The following TRAF3 variants were observed in gnomAD, a reference collection of about 807,000 sequenced individuals.
The protein encoded by TRAF3 is TNF receptor associated factor 3.
Under a neutral mutation model 62.3 loss-of-function variants are expected in TRAF3, and 13 were observed. The observed-to-expected ratio is 0.21, with a 90% CI of 0.14 to 0.33. The LOEUF is 0.33. Among genes scored for constraint, TRAF3 ranks in the 10% least tolerant of loss-of-function variants. The pLI, the probability that TRAF3 is intolerant of heterozygous loss-of-function variation, is 1.00. For synonymous variants in TRAF3, 269 were observed against 283.4 expected, an observed-to-expected ratio of 0.95 and a Z score of 0.51; for missense variants, 440 against 741.8, an observed-to-expected ratio of 0.59 and a Z score of 4.73.
intron 2 of TRAF3, among the ~76,000 whole-genome samples, chr14:102,831,796 G>A (rs1315036036): frequency 6.6e-6 from 1 of 152,190 alleles, no homozygotes; most frequent in Non-Finnish European, 1.5e-5. Flanking sequence ...GTGCTGGGCA[G>A]TTTTATCATT....
At chr14:102,886,859 CGAG>C (rs1188862946) in intron 7 of TRAF3, among the ~76,000 whole-genome samples, 4 of 152,260 alleles carry the variant, frequency 2.6e-5, no homozygotes, top group Admixed American at 6.5e-5. Flanking sequence ...GCAAAGGTGA[CGAG>C]GGGTTTTTAA....
rs1015249259 is a variant in TRAF3 at position 102,906,685 on chromosome 14, C to G, written c.*901C>G. On this transcript the variant is annotated 3_prime_UTR_variant, in exon 12 of 12. Transcript: ENST00000392745. Reference sequence around the variant, plus strand: ...AGGGCATCCGTTGAACTTTGGAGTTCTAAACAAAATCCTGTAGGTGTTTGG... The same window carrying G: ...AGGGCATCCGTTGAACTTTGGAGTTGTAAACAAAATCCTGTAGGTGTTTGG... The G allele has an allele frequency of 1.3e-5, 2 of 152,216 alleles. No individual in the cohort carries two copies. Among genetic ancestry groups the G allele is most frequent in the Non-Finnish European group, 2.9e-5 (2 of 68,044 alleles). The allele number at this position is 152,216 out of a possible 1,614,324, so 9.4% of individuals were successfully genotyped here. A position where few individuals can be genotyped will look rare whatever the true frequency, so the allele number is the denominator to read the frequency against.
At position 102,870,434 on chromosome 14, in the gene TRAF3, C is replaced by A. The variant is rs775556588; in HGVS notation, c.233C>A (p.Ala78Glu). The change falls in exon 3 of 12, where the codon GCG becomes GAG. Residue 78 changes from alanine (A) to glutamate (E), a missense_variant. By Grantham distance (107) the Ala-to-Glu change is moderately radical. Coordinates refer to ENST00000392745, the MANE Select transcript of TRAF3 (RefSeq NM_145725.3). ...CGHRFCESCM[A>E]ALLSSSSPKC... is the part of the protein sequence containing the mutation. Reference sequence around the variant, plus strand: ...CACCGCTTCTGCGAGAGCTGCATGGCGGCCCTGCTGAGGTAGGCGCCCTCG... The same window carrying A: ...CACCGCTTCTGCGAGAGCTGCATGGAGGCCCTGCTGAGGTAGGCGCCCTCG... 5 of 1,613,674 alleles carry A rather than the reference C, an allele frequency of 3.1e-6. No individual in the cohort carries two copies. The South Asian group carries it at 4.4e-5, about 14-fold the overall frequency.
At chr14:102,866,657 A>G (rs889885618) in intron 2 of TRAF3, among the ~76,000 whole-genome samples, 26 of 152,012 alleles carry the variant, frequency 1.7e-4, no homozygotes, top group African/African-American at 5.1e-4. Flanking sequence ...CAGACTGGGG[A>G]ACATAGCGAG....
chr14:102,799,432 T>C (rs886453235), intron 1 of TRAF3, among the ~76,000 whole-genome samples: 2 of 152,138 alleles, frequency 1.3e-5, no homozygotes, highest in African/African-American at 4.8e-5. Context: ...TTAGCACTTC[T>C]TTACTTGTTT....
chr14:102,801,873 G>A (rs995702587), intron 1 of TRAF3, among the ~76,000 whole-genome samples: 4 of 151,176 alleles, frequency 2.6e-5, no homozygotes, highest in African/African-American at 9.7e-5. Flanking sequence ...AAAATTAGCC[G>A]GGCGTGGTGG....
At chr14:102,828,866 A>G (rs540074428) in intron 1 of TRAF3, among the ~76,000 whole-genome samples, 2 of 151,944 alleles carry the variant, frequency 1.3e-5, no homozygotes, top group Non-Finnish European at 2.9e-5. Context: ...GTAGATACGC[A>G]TAGAATATAT....
intron 2 of TRAF3, among the ~76,000 whole-genome samples, chr14:102,865,660 C>T (rs1267061861): frequency 6.6e-6 from 1 of 151,994 alleles, no homozygotes; most frequent in Non-Finnish European, 1.5e-5. Context: ...CCACCATGCC[C>T]AACTAATTTT....
chr14:102,800,881 G>T (rs1452578990), intron 1 of TRAF3, among the ~76,000 whole-genome samples: 2 of 151,780 alleles, frequency 1.3e-5, no homozygotes, highest in Non-Finnish European at 2.9e-5. Context: ...TTTAAATTTT[G>T]TAAAGAAAGG....
At chr14:102,808,220 A>G (rs1223740776) in intron 1 of TRAF3, among the ~76,000 whole-genome samples, 1 of 152,150 alleles carries the variant, frequency 6.6e-6, no homozygotes, top group Non-Finnish European at 1.5e-5. Context: ...ATGTGAAAGA[A>G]GAACACACTA....
chr14:102,907,062 C>G lies in TRAF3; in HGVS notation c.*1278C>G, dbSNP rs536023300. 6.6e-6 allele frequency: 1 copy of G among 152,232 alleles called. No individual in the cohort carries two copies. The highest frequency in any genetic ancestry group is 1.9e-4 in the East Asian group (1 of 5,202). 9.4% of individuals were successfully genotyped at this position (152,232 alleles called of 1,614,324 possible). A position where few individuals can be genotyped will look rare whatever the true frequency, so the allele number is the denominator to read the frequency against. ...CTGCTGAGGGGAAGCCAGGCTCCAC[C>G]GTCGGCTTCTGGAGCCTCCGCTGCT... On this transcript the variant is annotated 3_prime_UTR_variant, in exon 12 of 12. Coordinates refer to ENST00000392745, the MANE Select transcript of TRAF3 (RefSeq NM_145725.3).
chr14:102,872,611 A>T (rs941714957), intron 4 of TRAF3, among the ~76,000 whole-genome samples: 1 of 152,118 alleles, frequency 6.6e-6, no homozygotes, highest in Non-Finnish European at 1.5e-5. Flanking sequence ...ACTGACAGTC[A>T]TCCATGTGCT....
intron 3 of TRAF3, 131 bp downstream of exon 3, chr14:102,870,577 GC>G: frequency 7.7e-7 from 1 of 1,296,302 alleles, no homozygotes; most frequent in Non-Finnish European, 1.1e-6. Flanking sequence ...AAGCCTCCGG[GC>G]CCAGCTTGTG....
intron 6 of TRAF3, among the ~76,000 whole-genome samples, chr14:102,879,612 T>C (rs1447867573): frequency 6.6e-6 from 1 of 151,810 alleles, no homozygotes; most frequent in Non-Finnish European, 1.5e-5. Context: ...TTTTTCTCTA[T>C]GAAATGAGTT....
intron 10 of TRAF3, among the ~76,000 whole-genome samples, chr14:102,900,941 T>C (rs748561982): frequency 1.3e-5 from 2 of 152,250 alleles, no homozygotes; most frequent in Non-Finnish European, 1.5e-5. Flanking sequence ...AGTGACTGAG[T>C]GTAGACCGTT....
At chr14:102,872,524 G>A (rs1448273362) in intron 4 of TRAF3, among the ~76,000 whole-genome samples, 1 of 152,174 alleles carries the variant, frequency 6.6e-6, no homozygotes, top group Non-Finnish European at 1.5e-5. Context: ...GCCCGTGGGC[G>A]TCTCTGCACA....
intron 1 of TRAF3, among the ~76,000 whole-genome samples, chr14:102,810,357 C>T (rs1899048777): frequency 1.3e-5 from 2 of 152,134 alleles, no homozygotes; most frequent in African/African-American, 2.4e-5. Context: ...GTGGTGAGGA[C>T]AGTGATCATG....
chr14:102,891,456 C>A (rs369821218), intron 9 of TRAF3, 39 bp downstream of exon 9: 1 of 1,574,700 alleles, frequency 6.4e-7, no homozygotes, highest in East Asian at 2.3e-5. Flanking sequence ...GGATTTGTAT[C>A]ATCTCTTCAG....
At chr14:102,791,813 C>CTTT (rs112341301) in intron 1 of TRAF3, among the ~76,000 whole-genome samples, 1 of 146,290 alleles carries the variant, frequency 6.8e-6, no homozygotes, top group South Asian at 2.2e-4. Flanking sequence ...TCTTTCTTTC[C>CTTT]TTTTTTTTTT....
Sources: gnomAD v4.1 joint callset for allele counts (sites outside exome capture counted in the v4.1 genomes callset) on GRCh38, gnomAD v4.1.1 for gene constraint, MANE v1.5 for transcripts, NCBI Gene and HGNC (gene_info 2026-07-23, HGNC 2026-07-21) for gene names.